Variants in KHDRBS2 observed in about 807,000 individuals in gnomAD.
The protein encoded by KHDRBS2 is KH RNA binding domain containing, signal transduction associated 2, also known as KH domain-containing, RNA-binding, signal transduction-associated protein 2.
A neutral mutation model predicts 44.3 loss-of-function variants in KHDRBS2; 26 were observed. The observed-to-expected ratio is 0.59, with a 90% confidence interval of 0.43 to 0.81. KHDRBS2 has a LOEUF of 0.81. KHDRBS2 is among the 40% of genes least tolerant of loss of function. The pLI is 0.00. For missense variants in KHDRBS2, 476 were observed against 433.1 expected (o/e 1.10, Z -0.88); for synonymous variants, 194 against 151.1 (o/e 1.28, Z -2.08).
chr6:62,145,161 A>T (rs1813657745), intron 2 of KHDRBS2, among the ~76,000 whole-genome samples: 1 of 151,916 alleles, frequency 6.6e-6, no homozygotes, highest in African/African-American at 2.4e-5. Flanking sequence ...ATGCAAAAAG[A>T]CTAAGACAGT....
At chr6:61,885,026 A>C (rs1800743531) in intron 6 of KHDRBS2, among the ~76,000 whole-genome samples, 1 of 152,130 alleles carries the variant, frequency 6.6e-6, no homozygotes, top group Admixed American at 6.6e-5. Flanking sequence ...TTGAATGAGA[A>C]AAGCAATAAC....
chr6:61,887,980 A>G (rs1214321623), intron 6 of KHDRBS2, among the ~76,000 whole-genome samples: 1 of 152,230 alleles, frequency 6.6e-6, no homozygotes, highest in Non-Finnish European at 1.5e-5. Flanking sequence ...AACAAAAATA[A>G]TGAAAATATA....
At chr6:61,884,136 C>A (rs1366289857) in intron 6 of KHDRBS2, among the ~76,000 whole-genome samples, 1 of 151,990 alleles carries the variant, frequency 6.6e-6, no homozygotes, top group Non-Finnish European at 1.5e-5. Context: ...ATTTATGGAA[C>A]TTTTAAGGAC....
chr6:61,859,239 G>T (rs1187992305), intron 6 of KHDRBS2, among the ~76,000 whole-genome samples: 8 of 151,816 alleles, frequency 5.3e-5, no homozygotes, highest in Admixed American at 2.6e-4. Flanking sequence ...TTTCCTCAGA[G>T]TCTCTACTTA....
chr6:61,609,075 T>C, the KHDRBS2 span, among the ~76,000 whole-genome samples: 1 of 152,174 alleles, frequency 6.6e-6, no homozygotes, highest in East Asian at 1.9e-4. Flanking sequence ...AGTGTTCCTA[T>C]TTCTCCACAT....
intron 7 of KHDRBS2, among the ~76,000 whole-genome samples, chr6:61,709,016 TC>T (rs1421163329): frequency 6.6e-6 from 1 of 151,686 alleles, no homozygotes; most frequent in African/African-American, 2.4e-5. Context: ...AGTTTCCTGA[TC>T]TTTAATATGG....
intron 2 of KHDRBS2, among the ~76,000 whole-genome samples, chr6:62,078,902 T>C (rs1047047738): frequency 6.6e-6 from 1 of 152,068 alleles, no homozygotes; most frequent in African/African-American, 2.4e-5. Context: ...GTTGGAAGAC[T>C]TGCTCTTAGA....
At chr6:62,225,695 C>T (rs1195184898) in intron 1 of KHDRBS2, among the ~76,000 whole-genome samples, 1 of 151,858 alleles carries the variant, frequency 6.6e-6, no homozygotes. Flanking sequence ...CCTCGGCCCC[C>T]ACCCCCAACT....
chr6:62,073,028 C>T (rs208967), intron 2 of KHDRBS2, among the ~76,000 whole-genome samples: 145,068 of 152,160 alleles, frequency 0.95, 69,208 homozygotes, highest in East Asian at 1. Flanking sequence ...AGCCTGCTAT[C>T]GGTCTATTCA....
chr6:61,582,032 A>C, the KHDRBS2 span, among the ~76,000 whole-genome samples: 2 of 151,914 alleles, frequency 1.3e-5, no homozygotes, highest in Non-Finnish European at 2.9e-5. Context: ...TAGTTTTCAA[A>C]AAAGATAATA....
In KHDRBS2 at chr6:62,124,046, A is replaced by G. The variant is rs139724489; in HGVS notation, c.219+53139T>C. 1.6e-4 allele frequency among the ~76,000 whole-genome samples: 25 copies of G among 152,306 alleles called. No homozygotes were observed. The East Asian group carries it at 4.6e-3, about 28-fold the overall frequency. ...TTTAAACTGCTTTGGCAAAGGTTAC[A>G]AGTAACTTCAAAATTGCTAAATTTG... On this transcript the variant is annotated intron_variant, in intron 2 of 8. Transcript: ENST00000281156.
intron 6 of KHDRBS2, among the ~76,000 whole-genome samples, chr6:61,810,814 T>C (rs1562227713): frequency 6.6e-6 from 1 of 152,168 alleles, no homozygotes; most frequent in Non-Finnish European, 1.5e-5. Context: ...TAAAGATCAA[T>C]GAATGAGTGG....
At chr6:61,596,177 G>T in the KHDRBS2 span, among the ~76,000 whole-genome samples, 1 of 152,110 alleles carries the variant, frequency 6.6e-6, no homozygotes, top group Non-Finnish European at 1.5e-5. Context: ...AGCAAGATGT[G>T]TGCAAGGCTT....
the KHDRBS2 span, among the ~76,000 whole-genome samples, chr6:61,670,432 A>C: frequency 9.6e-4 from 146 of 151,586 alleles, 1 homozygote; most frequent in Middle Eastern, 0.028. Flanking sequence ...TATCTACATA[A>C]ATTCTAAATA....
At chr6:62,059,264 C>T (rs1156292642) in intron 2 of KHDRBS2, among the ~76,000 whole-genome samples, 27 of 104,146 alleles carry the variant, frequency 2.6e-4, no homozygotes, top group Admixed American at 1.1e-3. Flanking sequence ...GAATAGGGAG[C>T]TTGAAGCTGG....
At chr6:61,745,249 C>A (rs904502331) in intron 6 of KHDRBS2, among the ~76,000 whole-genome samples, 5 of 152,074 alleles carry the variant, frequency 3.3e-5, no homozygotes, top group African/African-American at 1.2e-4. Flanking sequence ...AGTAATTTTT[C>A]TCTAGTATGA....
At chr6:61,924,469 CA>C (rs1808603166) in intron 4 of KHDRBS2, among the ~76,000 whole-genome samples, 1 of 151,736 alleles carries the variant, frequency 6.6e-6, no homozygotes. Flanking sequence ...TACAATAAGT[CA>C]AATTAAAAAA....
chr6:61,924,565 CTT>C (rs144559398), intron 4 of KHDRBS2, among the ~76,000 whole-genome samples: 10,217 of 151,704 alleles, frequency 0.067, 406 homozygotes, highest in Middle Eastern at 0.13. Flanking sequence ...TAACAGTAGT[CTT>C]TTGATTTTAT....
intron 8 of KHDRBS2, among the ~76,000 whole-genome samples, chr6:61,685,326 A>G (rs1341401331): frequency 1.3e-5 from 2 of 151,824 alleles, no homozygotes; most frequent in East Asian, 3.9e-4. Context: ...TCTAAGATCT[A>G]TGAAAGGAGA....
Sources: gnomAD v4.1 joint callset for allele counts (sites outside exome capture counted in the v4.1 genomes callset) on GRCh38, gnomAD v4.1.1 for gene constraint, MANE v1.5 for transcripts, NCBI Gene and HGNC (gene_info 2026-07-23, HGNC 2026-07-21) for gene names.